CNTNAP3: variants seen among roughly 807,000 people sequenced by gnomAD.
CNTNAP3 encodes the protein contactin associated protein family member 3.
Under a neutral mutation model 92.1 loss-of-function variants are expected in CNTNAP3, and 36 were observed. The observed-to-expected ratio is 0.39, with a 90% confidence interval of 0.30 to 0.52. The LOEUF (loss-of-function observed/expected upper bound fraction) is 0.52, where lower values mean the gene tolerates loss of function less well. Among genes scored for constraint, CNTNAP3 ranks in the 20% least tolerant of loss-of-function variants. The pLI is 0.76. For synonymous variants in CNTNAP3, 232 were observed against 422.3 expected, an observed-to-expected ratio of 0.55 and a Z score of 5.53; for missense variants, 534 against 1,069.6, an observed-to-expected ratio of 0.50 and a Z score of 6.98.
At chr9:39,108,417 T>G (rs1035922060) in intron 15 of CNTNAP3, among the ~76,000 whole-genome samples, 1 of 152,168 alleles carries the variant, frequency 6.6e-6, no homozygotes, top group Non-Finnish European at 1.5e-5. Context: ...TCGGCAAGAA[T>G]GTACAGAGAG....
chr9:39,111,896 G>A (rs989229104), intron 14 of CNTNAP3, among the ~76,000 whole-genome samples: 4 of 152,024 alleles, frequency 2.6e-5, no homozygotes, highest in African/African-American at 9.7e-5. Context: ...TTCATTCTGA[G>A]CATAAAGATA....
chr9:39,104,060 A>C (rs1443342076), intron 15 of CNTNAP3, 146 bp from the exon 16 acceptor site: 35 of 1,374,060 alleles, frequency 2.5e-5, no homozygotes, highest in Non-Finnish European at 3.2e-5. Flanking sequence ...CATCCATGTC[A>C]TATACTGATG....
At chr9:39,142,841 G>A (rs1344320749) in intron 11 of CNTNAP3, among the ~76,000 whole-genome samples, 6 of 152,088 alleles carry the variant, frequency 3.9e-5, no homozygotes, top group Non-Finnish European at 8.8e-5. Context: ...CTCATTCCAT[G>A]TATGAACTGT....
intron 14 of CNTNAP3, among the ~76,000 whole-genome samples, chr9:39,116,172 C>CG (rs778213003): frequency 1.9e-3 from 286 of 151,396 alleles, no homozygotes; most frequent in Non-Finnish European, 3.3e-3. Context: ...CAAAACAAAA[C>CG]GGTTAACATT....
intron 10 of CNTNAP3, among the ~76,000 whole-genome samples, chr9:39,148,817 G>T (rs369370081): frequency 6.6e-6 from 1 of 152,144 alleles, no homozygotes; most frequent in African/African-American, 2.4e-5. Flanking sequence ...GAGCCACGGC[G>T]CCGGGCCAGA....
chr9:39,106,973 C>T (rs1210154350), intron 15 of CNTNAP3, among the ~76,000 whole-genome samples: 1 of 152,034 alleles, frequency 6.6e-6, no homozygotes, highest in East Asian at 1.9e-4. Context: ...CTCCCTTGAG[C>T]TCTTAGATTA....
intron 13 of CNTNAP3, among the ~76,000 whole-genome samples, chr9:39,124,052 G>C (rs1037334105): frequency 6.6e-6 from 1 of 152,080 alleles, no homozygotes; most frequent in Non-Finnish European, 1.5e-5. Context: ...CTTAATTGAT[G>C]TAATAGGTAA....
chr9:39,078,792 C>T lies in CNTNAP3; in HGVS notation c.3571G>A (p.Val1191Ile). ...GGGGCCACGTGGCCGCGGACGGTGA[C>T]CCGGGAGGGGCCGCTGGGGCGCAGC... ...AALRPSGPSR[V>I]TVRGHVAPMA... Residue 1191 changes from valine to isoleucine, a missense_variant, in exon 22 of 24, where the codon GTC becomes ATC. Transcript: ENST00000297668. 6.5e-7 allele frequency: 1 copy of T among 1,527,438 alleles called. No homozygotes were observed. The allele number at this position is 1,527,438 out of a possible 1,614,324, so 94.6% of individuals were successfully genotyped here. A position where few individuals can be genotyped will look rare whatever the true frequency, so the allele number is the denominator to read the frequency against.
chr9:39,121,793 C>T (rs1422057774), intron 13 of CNTNAP3, among the ~76,000 whole-genome samples: 1 of 152,096 alleles, frequency 6.6e-6, no homozygotes, highest in Non-Finnish European at 1.5e-5. Flanking sequence ...GTCTCCAGTC[C>T]TGGGGTCCTA....
chr9:39,112,508 G>T (rs1446527801), intron 14 of CNTNAP3, among the ~76,000 whole-genome samples: 64 of 152,208 alleles, frequency 4.2e-4, no homozygotes, highest in East Asian at 1.2e-3. Flanking sequence ...TGGGATTACA[G>T]GCGTGCGCCA....
chr9:39,146,840 G>C (rs1821714281), intron 10 of CNTNAP3, among the ~76,000 whole-genome samples: 1 of 152,146 alleles, frequency 6.6e-6, no homozygotes, highest in Admixed American at 6.5e-5. Context: ...CTGTCCCTAA[G>C]TAGGATTTTT....
rs376775777 is a variant in CNTNAP3 at position 39,082,344 on chromosome 9, G to A, written c.3442+3392C>T. ...TGATGCCCACTGAATCCTGGTTAATGGACCAAGTTAGAACAATCTTAGAAT... is the reference window on the plus strand; with the variant it reads ...TGATGCCCACTGAATCCTGGTTAATAGACCAAGTTAGAACAATCTTAGAAT... On this transcript the variant is annotated intron_variant, in intron 21 of 23. Coordinates refer to ENST00000297668, the MANE Select transcript of CNTNAP3 (RefSeq NM_033655.5). Among the ~76,000 whole-genome samples, 16 of 151,752 alleles carry A rather than the reference G, an allele frequency of 1.1e-4. No individual in the cohort carries two copies. The East Asian group carries it at 3.1e-3, about 30-fold the overall frequency.
intron 13 of CNTNAP3, among the ~76,000 whole-genome samples, chr9:39,126,885 C>A (rs1821163852): frequency 6.6e-6 from 1 of 151,936 alleles, no homozygotes; most frequent in Non-Finnish European, 1.5e-5. Context: ...AAGATCTGAA[C>A]AACATAATCA....
At chr9:39,143,008 G>A (rs1391434732) in intron 11 of CNTNAP3, among the ~76,000 whole-genome samples, 2 of 151,922 alleles carry the variant, frequency 1.3e-5, no homozygotes, top group African/African-American at 2.4e-5. Flanking sequence ...AGGGATGGGC[G>A]AAATATTCCT....
chr9:39,194,858 T>G lies in CNTNAP3; in HGVS notation c.391-1583A>C, dbSNP rs1484048852. 3.5e-3 allele frequency among the ~76,000 whole-genome samples: 2 copies of G among 578 alleles called. 1 individual carries two copies. Among genetic ancestry groups the G allele is most frequent in the African/African-American group, 0.018 (2 of 112 alleles). The allele number at this position is 578 out of a possible 152,430, so 0.4% of individuals were successfully genotyped here. A position where few individuals can be genotyped will look rare whatever the true frequency, so the allele number is the denominator to read the frequency against. On this transcript the variant is annotated intron_variant, in intron 3 of 23. Coordinates refer to ENST00000297668, the MANE Select transcript of CNTNAP3 (RefSeq NM_033655.5). ...TCCAGGCCGGAATGCAGTGGTGCGA[T>G]CTAGACTCACTACAACCTCTGCCTC...
intron 13 of CNTNAP3, among the ~76,000 whole-genome samples, chr9:39,120,624 T>G (rs1362608310): frequency 6.6e-6 from 1 of 152,122 alleles, no homozygotes; most frequent in East Asian, 1.9e-4. Flanking sequence ...GAGCCGAGAT[T>G]GTGCCACTGC....
chr9:39,125,232 A>G (rs1821128060), intron 13 of CNTNAP3, among the ~76,000 whole-genome samples: 1 of 152,082 alleles, frequency 6.6e-6, no homozygotes, highest in South Asian at 2.1e-4. Flanking sequence ...GCTGGAAACC[A>G]TCATTCTCAG....
chr9:39,087,310 A>G (rs1252160910), intron 19 of CNTNAP3, among the ~76,000 whole-genome samples: 2 of 152,280 alleles, frequency 1.3e-5, no homozygotes, highest in Non-Finnish European at 1.5e-5. Context: ...TAGCCAGATT[A>G]TTTTAAGTCT....
rs1198106886 is a variant in CNTNAP3 at position 39,068,243 on chromosome 9, C to CAAAAAAAAAAAAA, written c.*5634_*5646dup. Among the ~76,000 whole-genome samples, 136 of 129,260 alleles carry CAAAAAAAAAAAAA rather than the reference C, an allele frequency of 1.1e-3. No homozygotes were observed. Among genetic ancestry groups the CAAAAAAAAAAAAA allele is most frequent in the East Asian group, 8.0e-3 (35 of 4,360 alleles). The allele number at this position is 129,260 out of a possible 152,430, so 84.8% of individuals were successfully genotyped here. ...TGAAACCTTGCCTCCACTAAAAATACAAAAAAAAAAAAAAAAAAAAAAATT... is the reference window on the plus strand; with the variant it reads ...TGAAACCTTGCCTCCACTAAAAATACAAAAAAAAAAAAAAAAAAAAAAAAAAAAAAAAAAAATT... On this transcript the variant is annotated 3_prime_UTR_variant, in exon 24 of 24. Transcript: ENST00000297668.
Sources: gnomAD v4.1 joint callset for allele counts (sites outside exome capture counted in the v4.1 genomes callset) on GRCh38, gnomAD v4.1.1 for gene constraint, MANE v1.5 for transcripts, NCBI Gene and HGNC (gene_info 2026-07-23, HGNC 2026-07-21) for gene names.